The following FAM47E variants were observed in gnomAD, a reference collection of about 807,000 sequenced individuals.
FAM47E encodes the protein family with sequence similarity 47 member E.
In FAM47E, 32 loss-of-function variants were observed where a neutral mutation model predicts 41.6. The observed-to-expected ratio is 0.77, with a 90% confidence interval of 0.58 to 1.03. The LOEUF (loss-of-function observed/expected upper bound fraction) is 1.03. Ranked by LOEUF, FAM47E falls within the 50% of genes least tolerant of loss-of-function variation. The pLI, the probability that FAM47E is intolerant of heterozygous loss-of-function variation, is 0.00. For missense variants in FAM47E, 424 were observed against 485.4 expected (o/e 0.87, Z 1.19); for synonymous variants, 184 against 188.7 (o/e 0.98, Z 0.20).
intron 2 of FAM47E, chr4:76,236,739 G>A (rs907062806): frequency 2.0e-5 from 3 of 152,016 alleles, no homozygotes; most frequent in Non-Finnish European, 4.4e-5. Context: ...AAAATTTTCT[G>A]GTTGACAATT....
intron 1 of FAM47E, 123 bp downstream of exon 1, chr4:76,251,943 C>A: frequency 1.6e-6 from 2 of 1,231,890 alleles, no homozygotes; most frequent in Non-Finnish European, 2.1e-6. Context: ...CTCCTCAATG[C>A]TTCCTGTACG....
upstream of FAM47E, among the ~76,000 whole-genome samples, chr4:76,250,374 A>G (rs1733926805): frequency 6.6e-6 from 1 of 151,854 alleles, no homozygotes; most frequent in African/African-American, 2.4e-5. Flanking sequence ...AGAATTGTCT[A>G]TTCATGTCCT....
intron 2 of FAM47E, among the ~76,000 whole-genome samples, chr4:76,234,741 T>C (rs1023148978): frequency 3.9e-5 from 6 of 152,100 alleles, no homozygotes; most frequent in African/African-American, 1.4e-4. Context: ...GACACCTTTA[T>C]CTCTATGGAA....
At chr4:76,224,777 TG>T (rs1158826667) in intron 2 of FAM47E, among the ~76,000 whole-genome samples, 1 of 152,080 alleles carries the variant, frequency 6.6e-6, no homozygotes, top group African/African-American at 2.4e-5. Flanking sequence ...CAGAAGTTTT[TG>T]GGGAACAGGT....
rs563605147 is a variant in FAM47E at position 76,260,162 on chromosome 4, C to A, written c.421-3542C>A. On this transcript the variant is annotated intron_variant, in intron 2 of 7. Coordinates refer to ENST00000424749, the MANE Select transcript of FAM47E (RefSeq NM_001136570.3). ...TCCAAAGCAATCTACAGATTCAATGCCATTCCTGTAAAATTACCAACATAA... is the reference window on the plus strand; with the variant it reads ...TCCAAAGCAATCTACAGATTCAATGACATTCCTGTAAAATTACCAACATAA... Among the ~76,000 whole-genome samples, 9 of 152,236 alleles carry A rather than the reference C, an allele frequency of 5.9e-5. No individual in the cohort carries two copies. The South Asian group carries it at 1.7e-3, about 28-fold the overall frequency.
rs564107691 is a variant in FAM47E, at chr4:76,254,812, A to G, written c.75-1366A>G. Among the ~76,000 whole-genome samples, 3 of 152,324 alleles carry G rather than the reference A, an allele frequency of 2.0e-5. No individual in the cohort carries two copies. In the East Asian group the frequency reaches 5.8e-4, roughly 29 times the overall value. ...AGGATAATGAGACGCTCAGATTCCA[A>G]GTCGTGGCTTTGGTGTTCGCTGGTT... On this transcript the variant is annotated intron_variant, in intron 1 of 7. Transcript: ENST00000424749.
chr4:76,251,819 A>G lies in FAM47E; in HGVS notation c.73A>G (p.Arg25Gly), dbSNP rs540041137. 6.0e-5 allele frequency: 88 copies of G among 1,464,624 alleles called. 1 individual carries two copies. The South Asian group carries it at 1.1e-3, about 18-fold the overall frequency. The allele number at this position is 1,464,624 out of a possible 1,614,324, so 90.7% of individuals were successfully genotyped here. A position where few individuals can be genotyped will look rare whatever the true frequency, so the allele number is the denominator to read the frequency against. ...GCGCGAGGGCGTGAACTGCAGGTCC[A>G]GGTAAACACTCAGCGCCCGGGCCGA... is the stretch of plus-strand genomic sequence containing the variant. Reference protein sequence around the residue: ...PVREGVNCRSRCFTKHKNGLK... With the variant: ...PVREGVNCRSGCFTKHKNGLK... Residue 25 changes from arginine (R) to glycine (G), a missense_variant and splice_region_variant, in exon 1 of 8, where the codon AGA becomes GGA. Transcript: ENST00000424749.
At chr4:76,261,813 A>G (rs1213214240) in intron 2 of FAM47E, among the ~76,000 whole-genome samples, 1 of 152,112 alleles carries the variant, frequency 6.6e-6, no homozygotes, top group East Asian at 1.9e-4. Context: ...TGTACCCCCG[A>G]ATCTACAATA....
At chr4:76,282,730 A>G (rs1451762200) in intron 7 of FAM47E, 1 of 152,190 alleles carries the variant, frequency 6.6e-6, no homozygotes, top group Non-Finnish European at 1.5e-5. Flanking sequence ...GTCCTCTGAG[A>G]ACACCTGTCA....
At chr4:76,216,726 C>T (rs886715540) in intron 1 of FAM47E, among the ~76,000 whole-genome samples, 15 of 152,174 alleles carry the variant, frequency 9.9e-5, no homozygotes, top group African/African-American at 3.6e-4. Context: ...AGCCACTTCC[C>T]CTTTAAAACT....
Position 76,278,127 on chromosome 4 carries a change from A to G in FAM47E, c.929A>G (p.Lys310Arg). The change falls in exon 6 of 8, where the codon AAG becomes AGG. Residue 310 changes from lysine (K) to arginine (R), a missense_variant. Lys to Arg is a conservative substitution (Grantham distance 26, BLOSUM62 2). Transcript: ENST00000424749. ...TATGGAGCATGGTATTTGAACCCCA[A>G]GTTGTGGAAAAAGCAAAGAGTAGAC... ...MRYGAWYLNP[K>R]LWKKQRVDEP... 1 of 1,551,126 alleles carries G rather than the reference A, an allele frequency of 6.4e-7. No homozygotes were observed. Among genetic ancestry groups the G allele is most frequent in the Non-Finnish European group, 8.7e-7 (1 of 1,146,816 alleles).
intron 2 of FAM47E, among the ~76,000 whole-genome samples, chr4:76,230,279 C>G (rs1596115): frequency 0.15 from 22,776 of 152,020 alleles, 2,031 homozygotes; most frequent in East Asian, 0.34. Context: ...GGCCACCTCT[C>G]TCACTAAGAA....
In FAM47E at chr4:76,264,213, A is replaced by G. The variant is rs189740875; in HGVS notation, c.560+370A>G. ...TGCCAAAGCACCATACTTTTGGGGT[A>G]TCATCCTTTGTGCCCCAAGAAATGT... On this transcript the variant is annotated intron_variant, in intron 3 of 7. Transcript: ENST00000424749. Among the ~76,000 whole-genome samples, 453 of 152,254 alleles carry G rather than the reference A, an allele frequency of 3.0e-3. 12 individuals carry two copies. The highest frequency in any genetic ancestry group is 0.024 in the Admixed American group (368 of 15,288).
At chr4:76,275,102 G>A (rs1735043439) in intron 5 of FAM47E, among the ~76,000 whole-genome samples, 1 of 152,066 alleles carries the variant, frequency 6.6e-6, no homozygotes, top group Non-Finnish European at 1.5e-5. Flanking sequence ...AAGGTGGCAG[G>A]GTAAATCTGG....
At chr4:76,231,494 C>T (rs4859433) in intron 2 of FAM47E, among the ~76,000 whole-genome samples, 89,153 of 152,018 alleles carry the variant, frequency 0.59, 27,017 homozygotes, top group East Asian at 0.99. Flanking sequence ...TTTTGAAACA[C>T]GATTTCTCAC....
chr4:76,264,042 G>A (rs1358372964), intron 3 of FAM47E, among the ~76,000 whole-genome samples, 199 bp downstream of exon 3: 1 of 152,164 alleles, frequency 6.6e-6, no homozygotes, highest in African/African-American at 2.4e-5. Flanking sequence ...ATCCAGCGAC[G>A]ACGCAGACAC....
At chr4:76,255,746 T>C (rs1033851056) in intron 1 of FAM47E, among the ~76,000 whole-genome samples, 50 of 152,206 alleles carry the variant, frequency 3.3e-4, no homozygotes, top group African/African-American at 1.2e-3. Context: ...TAGATTTACA[T>C]AGAGTGACAT....
intron 2 of FAM47E, among the ~76,000 whole-genome samples, chr4:76,219,373 C>T (rs936145073): frequency 3.9e-5 from 6 of 152,196 alleles, no homozygotes; most frequent in African/African-American, 1.4e-4. Flanking sequence ...GTATTCTAGT[C>T]TGTTCTCACT....
chr4:76,271,855 G>C, intron 5 of FAM47E, 87 bp downstream of exon 5: 1 of 1,400,234 alleles, frequency 7.1e-7, no homozygotes, highest in Non-Finnish European at 9.4e-7. Flanking sequence ...ATGTGTCATG[G>C]GTACTGGTTT....
Sources: gnomAD v4.1 joint callset for allele counts (sites outside exome capture counted in the v4.1 genomes callset) on GRCh38, gnomAD v4.1.1 for gene constraint, MANE v1.5 for transcripts, NCBI Gene and HGNC (gene_info 2026-07-23, HGNC 2026-07-21) for gene names.